The following RASA2 variants were observed in gnomAD, a reference collection of about 807,000 sequenced individuals.
RASA2 encodes RAS p21 protein activator 2, also known as ras GTPase-activating protein 2.
In RASA2, 155 loss-of-function variants were observed where a neutral mutation model predicts 118.2. That is an observed-to-expected ratio of 1.31 (90% CI 1.15 to 1.50). RASA2 has a LOEUF of 1.50. Ranked by LOEUF, RASA2 falls within the 40% of genes most tolerant of loss-of-function variation. The pLI is 0.00. For missense variants in RASA2, 1,016 were observed against 1,009.6 expected (o/e 1.01, Z -0.09); for synonymous variants, 353 against 349.1 (o/e 1.01, Z -0.12).
intron 19 of RASA2, among the ~76,000 whole-genome samples, chr3:141,604,094 T>TAC (rs1399440038): frequency 9.8e-5 from 15 of 152,328 alleles, no homozygotes; most frequent in African/African-American, 2.9e-4. Context: ...TCATGGTATA[T>TAC]ACGTAGGAGT....
chr3:141,571,096 T>G lies in RASA2; in HGVS notation c.1020+28T>G. 6 of 1,565,272 alleles carry G rather than the reference T, an allele frequency of 3.8e-6. No individual in the cohort carries two copies. The South Asian group carries it at 7.2e-5, about 19-fold the overall frequency. ...ATGTTAAGAATCTTAAGGATATGAT[T>G]TAACACGAAACGGCTAAAATAATTC... On this transcript the variant is annotated intron_variant, in intron 10 of 23. Transcript: ENST00000286364.
At chr3:141,537,173 C>T (rs563599235) in intron 4 of RASA2, among the ~76,000 whole-genome samples, 1 of 152,228 alleles carries the variant, frequency 6.6e-6, no homozygotes, top group East Asian at 1.9e-4. Context: ...TATCTTATCT[C>T]CTTTTTTTTT....
chr3:141,579,038 C>T (rs918328321), intron 15 of RASA2, among the ~76,000 whole-genome samples: 1 of 152,088 alleles, frequency 6.6e-6, no homozygotes, highest in Non-Finnish European at 1.5e-5. Context: ...GATCATATTT[C>T]GGATATTCCT....
intron 1 of RASA2, among the ~76,000 whole-genome samples, chr3:141,511,899 A>C (rs551170872): frequency 6.6e-6 from 1 of 152,114 alleles, no homozygotes; most frequent in Non-Finnish European, 1.5e-5. Flanking sequence ...GATAGAGAGC[A>C]CAAGTAGAGG....
rs60158029 is a variant in RASA2, at chr3:141,572,065, C to T, written c.1169+511C>T. ...ATATATATATATATATATATATACA[C>T]ACACACACACACATATGTATTGAGT... On this transcript the variant is annotated intron_variant, in intron 11 of 23. Transcript: ENST00000286364. Among the ~76,000 whole-genome samples the T allele has an allele frequency of 9.4e-3, 1,198 of 126,800 alleles. 14 individuals carry two copies. The highest frequency in any genetic ancestry group is 0.041 in the African/African-American group (1,128 of 27,614). The allele number at this position is 126,800 out of a possible 152,430, so 83.2% of individuals were successfully genotyped here.
At chr3:141,607,862 A>G (rs1218318695) in intron 20 of RASA2, 102 bp downstream of exon 20, 3 of 1,233,734 alleles carry the variant, frequency 2.4e-6, no homozygotes, top group African/African-American at 3.2e-5. Flanking sequence ...TGTATCACCT[A>G]TTACTTAGAT....
intron 4 of RASA2, among the ~76,000 whole-genome samples, chr3:141,536,198 G>A (rs139470673): frequency 4.3e-4 from 66 of 152,256 alleles, no homozygotes; most frequent in Non-Finnish European, 5.9e-4. Flanking sequence ...CTGGGGAGGC[G>A]TCAGAATCAT....
At chr3:141,559,580 G>C (rs2082699949) in intron 8 of RASA2, among the ~76,000 whole-genome samples, 1 of 152,032 alleles carries the variant, frequency 6.6e-6, no homozygotes, top group African/African-American at 2.4e-5. Flanking sequence ...GAGAGAAACT[G>C]TAGTCTTATT....
intron 9 of RASA2, among the ~76,000 whole-genome samples, chr3:141,569,024 T>TTTAGAATATACTAATACTATTTTTA (rs2082869055): frequency 6.6e-6 from 1 of 152,096 alleles, no homozygotes. Flanking sequence ...ATAATTTTGT[T>TTTAGAATATACTAATACTATTTTTA]TTAGAATATA....
intron 6 of RASA2, 152 bp downstream of exon 6, chr3:141,554,092 T>C: frequency 7.4e-7 from 1 of 1,350,388 alleles, no homozygotes; most frequent in Non-Finnish European, 9.6e-7. Flanking sequence ...AGTTCTATTA[T>C]ACACTTGTCA....
chr3:141,508,831 G>A (rs75861622), intron 1 of RASA2, among the ~76,000 whole-genome samples: 1 of 149,444 alleles, frequency 6.7e-6, no homozygotes, highest in Admixed American at 6.6e-5. Flanking sequence ...TTTTTTTTTG[G>A]TCCAAGGCGC....
chr3:141,594,210 C>T (rs1237386083), intron 19 of RASA2, among the ~76,000 whole-genome samples: 4 of 152,034 alleles, frequency 2.6e-5, no homozygotes, highest in African/African-American at 9.7e-5. Context: ...ACTTGAAGAT[C>T]GATCAGTAGA....
chr3:141,512,540 A>G (rs1341778131), intron 2 of RASA2, among the ~76,000 whole-genome samples: 1 of 152,166 alleles, frequency 6.6e-6, no homozygotes, highest in Non-Finnish European at 1.5e-5. Flanking sequence ...TATTTTATTT[A>G]TCTAAAGAAT....
At chr3:141,539,529 G>T (rs904131604) in intron 4 of RASA2, among the ~76,000 whole-genome samples, 4 of 152,084 alleles carry the variant, frequency 2.6e-5, no homozygotes, top group African/African-American at 7.2e-5. Flanking sequence ...TTTTGAAAAG[G>T]GTTGTTCTAA....
chr3:141,580,239 A>C, intron 15 of RASA2, 129 bp from the exon 16 acceptor site: 3 of 623,312 alleles, frequency 4.8e-6, no homozygotes. Flanking sequence ...CTAGATTTTA[A>C]CTGTGTGTGT....
At chr3:141,554,010 T>A (rs2082611632) in intron 6 of RASA2, 70 bp downstream of exon 6, 2 of 1,532,012 alleles carry the variant, frequency 1.3e-6, no homozygotes, top group Non-Finnish European at 1.8e-6. Flanking sequence ...AAAAGTAAGA[T>A]TCTACGAGCA....
chr3:141,553,990 T>A (rs1560027762), intron 6 of RASA2, 50 bp downstream of exon 6: 13 of 1,555,112 alleles, frequency 8.4e-6, no homozygotes, highest in Non-Finnish European at 1.0e-5. Flanking sequence ...ATGTTTGATT[T>A]AAAAATTTAA....
intron 5 of RASA2, among the ~76,000 whole-genome samples, chr3:141,550,701 A>G (rs2082560902): frequency 6.6e-6 from 1 of 152,252 alleles, no homozygotes; most frequent in African/African-American, 2.4e-5. Flanking sequence ...TAATATGTCT[A>G]CTTTGATGAA....
chr3:141,601,828 A>G (rs1235708071), intron 19 of RASA2, among the ~76,000 whole-genome samples: 1 of 152,052 alleles, frequency 6.6e-6, no homozygotes, highest in Non-Finnish European at 1.5e-5. Context: ...AAATTGTCTC[A>G]TGGATCTCAC....
Sources: allele counts gnomAD v4.1 joint callset (sites outside exome capture counted in the v4.1 genomes callset), GRCh38; gene constraint gnomAD v4.1.1; transcripts MANE v1.5; gene names NCBI Gene and HGNC (gene_info 2026-07-23, HGNC 2026-07-21).